HECW2: variants seen among roughly 807,000 people sequenced by gnomAD.
HECW2 encodes the protein HECT, C2 and WW domain containing E3 ubiquitin protein ligase 2, also known as E3 ubiquitin-protein ligase HECW2.
HECW2 carries 61 observed loss-of-function variants against 175.2 expected under a neutral mutation model. That is an observed-to-expected ratio of 0.35 (90% CI 0.28 to 0.43). The LOEUF (loss-of-function observed/expected upper bound fraction) is 0.43, where lower values mean the gene tolerates loss of function less well. HECW2 is among the 20% of genes least tolerant of loss of function. HECW2 has a pLI of 1.00. For missense variants in HECW2, 1,524 were observed against 2,000.5 expected, an observed-to-expected ratio of 0.76 and a Z score of 4.54; for synonymous variants, 671 against 731.0, an observed-to-expected ratio of 0.92 and a Z score of 1.32.
At chr2:196,260,856 A>G (rs1689260651) in intron 17 of HECW2, among the ~76,000 whole-genome samples, 1 of 152,248 alleles carries the variant, frequency 6.6e-6, no homozygotes, top group Non-Finnish European at 1.5e-5. Context: ...AGAAATTTGC[A>G]TACATAAGCT....
chr2:196,368,110 T>C (rs13400038), intron 2 of HECW2, among the ~76,000 whole-genome samples: 38,927 of 152,042 alleles, frequency 0.26, 6,320 homozygotes, highest in African/African-American at 0.46. Flanking sequence ...TTCGATATGC[T>C]GATTTCCTTT....
rs113628235 is a variant in HECW2 at position 196,437,778 on chromosome 2, G to A, written c.-35-4320C>T. ...ACATGCTTAAAAACAAAGTTAAAGC[G>A]GGAGAGAGAAAAATGAAAGAGAGAG... On this transcript the variant is annotated intron_variant, in intron 1 of 28. Transcript: ENST00000644978. Among the ~76,000 whole-genome samples the A allele has an allele frequency of 2.1e-3, 323 of 152,008 alleles. 4 individuals are homozygous for A. The highest frequency in any genetic ancestry group is 7.5e-3 in the African/African-American group (309 of 41,456).
intron 1 of HECW2, among the ~76,000 whole-genome samples, chr2:196,557,948 A>C (rs1689864950): frequency 6.6e-6 from 1 of 150,840 alleles, no homozygotes; most frequent in South Asian, 2.1e-4. Flanking sequence ...AATACTTAAC[A>C]CGATTATAAA....
intron 14 of HECW2, among the ~76,000 whole-genome samples, chr2:196,283,132 G>A (rs540298839): frequency 8.5e-4 from 129 of 151,044 alleles, no homozygotes; most frequent in African/African-American, 3.0e-3. Flanking sequence ...CGTGGTGGCA[G>A]GCACCTGTAG....
chr2:196,545,696 G>C (rs1689395481), intron 1 of HECW2, among the ~76,000 whole-genome samples: 1 of 152,176 alleles, frequency 6.6e-6, no homozygotes, highest in African/African-American at 2.4e-5. Context: ...AGGACTGCAA[G>C]TCATTCTGTC....
At chr2:196,576,851 A>G (rs1276612022) in intron 1 of HECW2, among the ~76,000 whole-genome samples, 1 of 152,230 alleles carries the variant, frequency 6.6e-6, no homozygotes, top group East Asian at 1.9e-4. Flanking sequence ...TTATACCTCA[A>G]TAAAGCTGGA....
chr2:196,457,148 AC>A (rs968129347), intron 1 of HECW2, among the ~76,000 whole-genome samples: 5 of 152,204 alleles, frequency 3.3e-5, no homozygotes, highest in African/African-American at 9.6e-5. Context: ...AGCTGCTGAT[AC>A]GTTTTGGAGA....
At chr2:196,309,465 A>C (rs1320177694) in intron 10 of HECW2, among the ~76,000 whole-genome samples, 1 of 152,218 alleles carries the variant, frequency 6.6e-6, no homozygotes, top group Non-Finnish European at 1.5e-5. Context: ...ACATTTTCAA[A>C]AGACCTCACG....
intron 3 of HECW2, among the ~76,000 whole-genome samples, chr2:196,335,901 T>C (rs1042753654): frequency 6.6e-6 from 1 of 152,166 alleles, no homozygotes; most frequent in African/African-American, 2.4e-5. Context: ...GGCTGTTCTG[T>C]AGTGTAGCTG....
chr2:196,264,506 C>T (rs550509926), intron 17 of HECW2, among the ~76,000 whole-genome samples: 4 of 152,088 alleles, frequency 2.6e-5, no homozygotes, highest in African/African-American at 9.7e-5. Flanking sequence ...GGAGAAATAT[C>T]CAGTGGATGA....
intron 28 of HECW2, among the ~76,000 whole-genome samples, chr2:196,202,132 G>A (rs772366705): frequency 2.0e-4 from 30 of 151,994 alleles, no homozygotes; most frequent in Non-Finnish European, 1.5e-5. Flanking sequence ...ATCTTATCAG[G>A]AAGCAAATCT....
chr2:196,270,647 T>C (rs1471030844), intron 17 of HECW2, among the ~76,000 whole-genome samples: 1 of 152,168 alleles, frequency 6.6e-6, no homozygotes, highest in Non-Finnish European at 1.5e-5. Flanking sequence ...AAATTTTTTT[T>C]TCATATTTCG....
chr2:196,557,175 C>G (rs1269283788), intron 1 of HECW2, among the ~76,000 whole-genome samples: 1 of 152,124 alleles, frequency 6.6e-6, no homozygotes, highest in Non-Finnish European at 1.5e-5. Flanking sequence ...GTGGGCGGAT[C>G]ACCTGAGGTC....
chr2:196,512,287 G>A (rs533592933), intron 1 of HECW2, among the ~76,000 whole-genome samples: 2 of 152,102 alleles, frequency 1.3e-5, no homozygotes, highest in Non-Finnish European at 2.9e-5. Context: ...GACTATACGG[G>A]GCAAATAAAG....
intron 19 of HECW2, among the ~76,000 whole-genome samples, chr2:196,243,822 G>A (rs534195568): frequency 2.0e-5 from 3 of 152,036 alleles, no homozygotes; most frequent in African/African-American, 4.8e-5. Flanking sequence ...CAGGTGATCC[G>A]CCCACCTCGG....
At chr2:196,230,065 A>G (rs933108341) in intron 21 of HECW2, among the ~76,000 whole-genome samples, 1 of 152,332 alleles carries the variant, frequency 6.6e-6, no homozygotes, top group South Asian at 2.1e-4. Flanking sequence ...CCCAGAGCCA[A>G]AGAGGCTGTA....
intron 1 of HECW2, among the ~76,000 whole-genome samples, chr2:196,510,168 T>C (rs141859489): frequency 6.6e-6 from 1 of 152,134 alleles, no homozygotes; most frequent in Non-Finnish European, 1.5e-5. Context: ...CATAGCCATC[T>C]TTACCACCAG....
chr2:196,256,135 A>C (rs548525793), intron 18 of HECW2, among the ~76,000 whole-genome samples: 17 of 152,300 alleles, frequency 1.1e-4, no homozygotes, highest in African/African-American at 4.1e-4. Context: ...ATAATCACTA[A>C]TTATATTACT....
chr2:196,385,313 A>G (rs1205108918), intron 2 of HECW2, among the ~76,000 whole-genome samples: 1 of 152,190 alleles, frequency 6.6e-6, no homozygotes, highest in Non-Finnish European at 1.5e-5. Context: ...TCATTTATTT[A>G]ATCAGAATAT....
Sources: allele counts gnomAD v4.1 joint callset (sites outside exome capture counted in the v4.1 genomes callset), GRCh38; gene constraint gnomAD v4.1.1; transcripts MANE v1.5; gene names NCBI Gene and HGNC (gene_info 2026-07-23, HGNC 2026-07-21).